PCDHAC2: variants seen among roughly 807,000 people sequenced by gnomAD.
PCDHAC2 encodes the protein protocadherin alpha-C2.
In PCDHAC2, 24 loss-of-function variants were observed where a neutral mutation model predicts 63.3. The ratio of observed to expected loss-of-function variants is 0.38; its 90% confidence interval spans 0.27 to 0.53. PCDHAC2 has a LOEUF of 0.53. Among genes scored for constraint, PCDHAC2 ranks in the 20% least tolerant of loss-of-function variants. PCDHAC2 has a pLI of 0.81. For synonymous variants in PCDHAC2, 569 were observed against 529.4 expected (o/e 1.07, Z -1.03); for missense variants, 1,181 against 1,275.2 (o/e 0.93, Z 1.12).
chr5:140,984,960 CAG>C (rs1387655082), intron 3 of PCDHAC2, among the ~76,000 whole-genome samples: 2 of 151,386 alleles, frequency 1.3e-5, no homozygotes, highest in African/African-American at 4.9e-5. Context: ...TTTTTTGAGA[CAG>C]AGTCTCGCTC....
At chr5:140,981,380 C>T (rs2096929731) in intron 2 of PCDHAC2, among the ~76,000 whole-genome samples, 1 of 152,054 alleles carries the variant, frequency 6.6e-6, no homozygotes, top group Non-Finnish European at 1.5e-5. Flanking sequence ...TCAAGACCAG[C>T]CTGGTCAATA....
chr5:140,966,741 G>A lies in PCDHAC2; in HGVS notation c.-26G>A. The A allele has an allele frequency of 7.0e-7, 1 of 1,421,320 alleles. No homozygotes were observed. Among genetic ancestry groups the A allele is most frequent in the Non-Finnish European group, 9.1e-7 (1 of 1,093,098 alleles). 88.0% of individuals were successfully genotyped at this position (1,421,320 alleles called of 1,614,324 possible). ...GAAGCTGCCGCCTCCGGCCCTGCCC[G>A]GCTGCCTCCGCCGCGGCCAGTGGCT... On this transcript the variant is annotated 5_prime_UTR_variant, in exon 1 of 4. Coordinates refer to ENST00000289269, the MANE Select transcript of PCDHAC2 (RefSeq NM_018899.6).
chr5:140,979,130 A>C, intron 2 of PCDHAC2, 123 bp downstream of exon 2: 1 of 1,473,242 alleles, frequency 6.8e-7, no homozygotes, highest in Admixed American at 2.7e-5. Flanking sequence ...TTTGCCAGGA[A>C]AATGCAATTA....
In PCDHAC2 at chr5:140,967,362, C is replaced by A. The variant is rs1385889243; in HGVS notation, c.596C>A (p.Pro199His). The change falls in exon 1 of 4, where the codon CCC (proline) becomes CAC (histidine). Residue 199 changes from proline to histidine, a missense_variant. By Grantham distance (77) the Pro-to-His change is moderately conservative (BLOSUM62 -2). Transcript: ENST00000289269. ...PSEHFELDLK[P>H]LQENSKVLEL... ...GAGCACTTCGAGCTGGACCTTAAGC[C>A]CCTGCAGGAGAACAGTAAAGTGCTT... 2 of 1,607,452 alleles carry A rather than the reference C, an allele frequency of 1.2e-6. No homozygotes were observed. Among genetic ancestry groups the A allele is most frequent in the East Asian group, 2.2e-5 (1 of 44,622 alleles).
At chr5:140,986,861 C>T (rs1007036038) in intron 3 of PCDHAC2, among the ~76,000 whole-genome samples, 12 of 152,086 alleles carry the variant, frequency 7.9e-5, no homozygotes, top group Non-Finnish European at 1.0e-4. Flanking sequence ...CAACAATACC[C>T]GGAAACTTGT....
intron 1 of PCDHAC2, among the ~76,000 whole-genome samples, chr5:140,973,810 T>C (rs1179978402): frequency 6.6e-6 from 1 of 152,230 alleles, no homozygotes; most frequent in Non-Finnish European, 1.5e-5. Context: ...CTTGACAGAA[T>C]AGCAAAGTCA....
intron 3 of PCDHAC2, among the ~76,000 whole-genome samples, chr5:140,989,801 G>A (rs1554251107): frequency 1.3e-5 from 2 of 152,184 alleles, no homozygotes; most frequent in Non-Finnish European, 1.5e-5. Context: ...CCCAGGAAAG[G>A]GCCATAAGAT....
chr5:140,999,265 A>G (rs1554256725), intron 3 of PCDHAC2, among the ~76,000 whole-genome samples: 1 of 152,226 alleles, frequency 6.6e-6, no homozygotes, highest in African/African-American at 2.4e-5. Flanking sequence ...GTAAAGGAAT[A>G]CTGCATAGTA....
chr5:140,993,535 GAGAT>G (rs2097571300), intron 3 of PCDHAC2, among the ~76,000 whole-genome samples: 1 of 151,900 alleles, frequency 6.6e-6, no homozygotes, highest in African/African-American at 2.4e-5. Context: ...GAGAGAGAGA[GAGAT>G]AGAGAAGTGA....
Position 141,011,124 on chromosome 5 carries a change from G to A in PCDHAC2, c.*1187G>A, listed in dbSNP as rs893951024. ...TCTCTCTTTTCTAAGAAACAATTAT[G>A]TGCACTTTGATACACAACCTTCTCT... On this transcript the variant is annotated 3_prime_UTR_variant, in exon 4 of 4. Transcript: ENST00000289269. 1 of 153,618 alleles carries A rather than the reference G, an allele frequency of 6.5e-6. No individual in the cohort carries two copies. The highest frequency in any genetic ancestry group is 2.4e-5 in the African/African-American group (1 of 41,382). 9.5% of individuals were successfully genotyped at this position (153,618 alleles called of 1,614,324 possible).
At position 140,968,529 on chromosome 5, in the gene PCDHAC2, C is replaced by T; in HGVS notation, c.1763C>T (p.Ser588Leu). ...HILYPTSTNS[S>L]AAFEMVPRTA... ...CTGTACCCTACCTCAACCAACTCGT[C>T]AGCAGCCTTCGAGATGGTGCCTCGA... Residue 588 changes from serine (S) to leucine (L), a missense_variant, in exon 1 of 4, where the codon TCA (serine) becomes TTA (leucine). Physicochemically the swap from Ser to Leu is moderately radical, Grantham distance 145. Coordinates refer to ENST00000289269, the MANE Select transcript of PCDHAC2 (RefSeq NM_018899.6). The T allele has an allele frequency of 6.2e-7, 1 of 1,614,206 alleles. No individual in the cohort carries two copies. Among genetic ancestry groups the T allele is most frequent in the Non-Finnish European group, 8.5e-7 (1 of 1,180,036 alleles).
intron 3 of PCDHAC2, among the ~76,000 whole-genome samples, chr5:140,995,529 C>T (rs1191657600): frequency 6.6e-6 from 1 of 152,078 alleles, no homozygotes. Context: ...GAAATCAAAC[C>T]TCAAATAAGG....
chr5:140,998,987 G>A (rs1381033392), intron 3 of PCDHAC2, among the ~76,000 whole-genome samples: 1 of 152,234 alleles, frequency 6.6e-6, no homozygotes. Context: ...ATAGTAGAAA[G>A]CAGAATGCTG....
chr5:141,003,724 A>C (rs575036478), intron 3 of PCDHAC2, among the ~76,000 whole-genome samples: 2 of 151,950 alleles, frequency 1.3e-5, no homozygotes, highest in African/African-American at 4.8e-5. Flanking sequence ...CGGCTAATCC[A>C]ATAAAAAAGC....
chr5:141,006,921 A>G (rs1229765479), intron 3 of PCDHAC2, among the ~76,000 whole-genome samples: 1 of 152,176 alleles, frequency 6.6e-6, no homozygotes, highest in Non-Finnish European at 1.5e-5. Context: ...TGCCCATGAG[A>G]TTTCCAACTG....
intron 3 of PCDHAC2, among the ~76,000 whole-genome samples, chr5:140,998,072 C>T (rs1554256158): frequency 6.6e-6 from 1 of 152,168 alleles, no homozygotes; most frequent in African/African-American, 2.4e-5. Context: ...CAGACTTAGC[C>T]TCTGCAGTTG....
At chr5:140,982,214 TG>T in intron 2 of PCDHAC2, 1 of 485,000 alleles carries the variant, frequency 2.1e-6, no homozygotes, top group Non-Finnish European at 3.3e-6. Flanking sequence ...GAGCGCCACA[TG>T]GCGTTAATAA....
At chr5:140,982,337 A>T in intron 2 of PCDHAC2, 138 bp from the exon 3 acceptor site, 1 of 1,455,066 alleles carries the variant, frequency 6.9e-7, no homozygotes, top group Non-Finnish European at 9.1e-7. Flanking sequence ...CTCAGCAGTA[A>T]TTGCTTCAGT....
intron 1 of PCDHAC2, among the ~76,000 whole-genome samples, chr5:140,976,307 T>C (rs955106939): frequency 6.6e-6 from 1 of 152,100 alleles, no homozygotes; most frequent in African/African-American, 2.4e-5. Flanking sequence ...TCCCAGCACT[T>C]TGGGAGGCCG....
Sources: allele counts gnomAD v4.1 joint callset (sites outside exome capture counted in the v4.1 genomes callset), GRCh38; gene constraint gnomAD v4.1.1; transcripts MANE v1.5; gene names NCBI Gene and HGNC (gene_info 2026-07-23, HGNC 2026-07-21).